The following CUL2 variants were observed in gnomAD, a reference collection of about 807,000 sequenced individuals.
CUL2 encodes cullin-2.
A neutral mutation model predicts 110.2 loss-of-function variants in CUL2; 22 were observed. The ratio of observed to expected loss-of-function variants is 0.20; its 90% CI spans 0.14 to 0.28. The LOEUF is 0.28. CUL2 is among the 10% of genes least tolerant of loss of function. CUL2 has a pLI of 1.00. For synonymous variants in CUL2, 279 were observed against 293.2 expected, an observed-to-expected ratio of 0.95 and a Z score of 0.49; for missense variants, 631 against 905.5, an observed-to-expected ratio of 0.70 and a Z score of 3.89.
chr10:35,029,751 TAC>T (rs2134711848), intron 14 of CUL2, 111 bp from the exon 15 acceptor site: 1 of 711,174 alleles, frequency 1.4e-6, no homozygotes, highest in Non-Finnish European at 2.2e-6. Context: ...TTCTTGCATA[TAC>T]ACTTATACCC....
At chr10:35,061,751 T>C (rs1471790298) in intron 3 of CUL2, among the ~76,000 whole-genome samples, 1 of 151,384 alleles carries the variant, frequency 6.6e-6, no homozygotes, top group Non-Finnish European at 1.5e-5. Context: ...CACAATCAAT[T>C]GTGCCTTACT....
At chr10:35,011,827 T>G (rs764893153) in intron 20 of CUL2, 21 bp downstream of exon 20, 1 of 1,382,448 alleles carries the variant, frequency 7.2e-7, no homozygotes, top group Non-Finnish European at 1.0e-6. Context: ...TAAGAAGCCC[T>G]GAGGACTGCC....
intron 17 of CUL2, among the ~76,000 whole-genome samples, chr10:35,017,159 C>A (rs1203756264): frequency 2.6e-5 from 4 of 152,034 alleles, no homozygotes; most frequent in Non-Finnish European, 5.9e-5. Context: ...ATGGAAAATG[C>A]TTTTGAGGCC....
upstream of CUL2, among the ~76,000 whole-genome samples, chr10:35,092,074 T>G (rs2081720575): frequency 6.6e-6 from 1 of 151,774 alleles, no homozygotes; most frequent in South Asian, 2.1e-4. Context: ...CATCTCAGTT[T>G]CCGAAGCAGC....
intron 16 of CUL2, among the ~76,000 whole-genome samples, chr10:35,026,189 C>T (rs1353965446): frequency 1.3e-5 from 2 of 152,166 alleles, no homozygotes; most frequent in African/African-American, 4.8e-5. Context: ...CCTCCTCTAC[C>T]AGCAGATCCA....
chr10:35,049,012 T>C (rs2086023060), intron 6 of CUL2, among the ~76,000 whole-genome samples: 1 of 152,180 alleles, frequency 6.6e-6, no homozygotes, highest in African/African-American at 2.4e-5. Flanking sequence ...ATAATTCCTA[T>C]AACATCAGTT....
intron 1 of CUL2, among the ~76,000 whole-genome samples, chr10:35,075,675 C>CAA (rs1207383930): frequency 6.6e-6 from 1 of 150,932 alleles, no homozygotes; most frequent in South Asian, 2.1e-4. Flanking sequence ...CACACACACA[C>CAA]ACACACACGC....
intron 2 of CUL2, among the ~76,000 whole-genome samples, chr10:35,096,841 A>C: frequency 7.4e-6 from 1 of 136,028 alleles, no homozygotes; most frequent in African/African-American, 2.8e-5. Flanking sequence ...ATGGAGTTTC[A>C]CTCTGTTGCC....
chr10:35,028,124 G>A (rs1485121462), intron 16 of CUL2, among the ~76,000 whole-genome samples: 1 of 152,266 alleles, frequency 6.6e-6, no homozygotes, highest in African/African-American at 2.4e-5. Context: ...TGCAAAATTT[G>A]TAATAACCTT....
At chr10:35,060,366 G>T (rs906249830) in intron 4 of CUL2, among the ~76,000 whole-genome samples, 1 of 152,186 alleles carries the variant, frequency 6.6e-6, no homozygotes, top group African/African-American at 2.4e-5. Context: ...CAGGAAGATG[G>T]GAGAGACCAT....
At chr10:35,119,364 A>G (rs753291553) in intron 1 of CUL2, among the ~76,000 whole-genome samples, 5 of 152,088 alleles carry the variant, frequency 3.3e-5, no homozygotes, top group Non-Finnish European at 7.4e-5. Flanking sequence ...ATTTCTGTGG[A>G]TCTCCATTTG....
intron 14 of CUL2, among the ~76,000 whole-genome samples, chr10:35,030,155 A>G (rs912396078): frequency 6.6e-5 from 10 of 152,144 alleles, no homozygotes; most frequent in Admixed American, 1.3e-4. Context: ...GCTGGCTCTT[A>G]TAAGGTTTAC....
chr10:35,103,308 A>ATTTTTTTT (rs67257350), intron 1 of CUL2, among the ~76,000 whole-genome samples: 6 of 94,574 alleles, frequency 6.3e-5, no homozygotes, highest in Non-Finnish European at 6.1e-5. Context: ...GGCCAAGCTA[A>ATTTTTTTT]TTTTTTTTTT....
Position 35,011,490 on chromosome 10 carries a change from C to T in CUL2, c.2106+358G>A, listed in dbSNP as rs557539084. ...AAAATTAGCCAAGTATGGTGGTGCA[C>T]GCCTGTATTCCCAACTACTCGGGAG... On this transcript the variant is annotated intron_variant, in intron 20 of 20. Coordinates refer to ENST00000374749, the MANE Select transcript of CUL2 (RefSeq NM_003591.4). Among the ~76,000 whole-genome samples the T allele has an allele frequency of 5.3e-5, 8 of 152,060 alleles. No homozygotes were observed. In the East Asian group the frequency reaches 5.8e-4, roughly 11 times the overall value.
At chr10:35,023,948 T>C (rs2085270168) in intron 17 of CUL2, among the ~76,000 whole-genome samples, 1 of 152,104 alleles carries the variant, frequency 6.6e-6, no homozygotes, top group South Asian at 2.1e-4. Context: ...GATCCTCCCA[T>C]CTCAGCCTCT....
intron 17 of CUL2, among the ~76,000 whole-genome samples, chr10:35,018,527 G>A (rs1314917495): frequency 6.6e-6 from 1 of 151,998 alleles, no homozygotes; most frequent in Non-Finnish European, 1.5e-5. Context: ...ACTTTGGGAG[G>A]CCGAGGCAGG....
At chr10:35,089,176 A>T (rs1215794041) in intron 1 of CUL2, among the ~76,000 whole-genome samples, 1 of 152,218 alleles carries the variant, frequency 6.6e-6, no homozygotes. Flanking sequence ...ACTCCATCTC[A>T]AAACAAAAAA....
In CUL2 at chr10:35,031,237, G is replaced by T; in HGVS notation, c.1386+63C>A. The T allele has an allele frequency of 9.6e-7, 1 of 1,039,276 alleles. No homozygotes were observed. The highest frequency in any genetic ancestry group is 1.5e-5 in the South Asian group (1 of 65,482). 64.4% of individuals were successfully genotyped at this position (1,039,276 alleles called of 1,614,324 possible). On this transcript the variant is annotated intron_variant, in intron 14 of 20. Transcript: ENST00000374749. This position sits in a 1 kb window ranked among gnomAD's most constrained non-coding sequence, Gnocchi z 4.4. ...CTGTTACTGTACACAATGCTGCAAT[G>T]AACATCTTTATGTGCTTGTGAATGA...
intron 7 of CUL2, 31 bp downstream of exon 7, chr10:35,044,741 T>C (rs997828210): frequency 6.3e-7 from 1 of 1,584,586 alleles, no homozygotes; most frequent in Non-Finnish European, 8.6e-7. Flanking sequence ...ATTAACAGTC[T>C]GATTATTTGT....
Sources: allele counts gnomAD v4.1 joint callset (sites outside exome capture counted in the v4.1 genomes callset), GRCh38; gene constraint gnomAD v4.1.1; non-coding constraint Gnocchi (gnomAD v3.1); transcripts MANE v1.5; gene names NCBI Gene and HGNC (gene_info 2026-07-23, HGNC 2026-07-21).